RAB4A: variants seen among roughly 807,000 people sequenced by gnomAD.
RAB4A encodes ras-related protein Rab-4A.
In RAB4A, 20 loss-of-function variants were observed where a neutral mutation model predicts 34.5. The observed-to-expected ratio is 0.58, with a 90% CI of 0.41 to 0.84. The LOEUF (loss-of-function observed/expected upper bound fraction) is 0.84. RAB4A is among the 40% of genes least tolerant of loss of function. RAB4A has a pLI of 0.00. For synonymous variants in RAB4A, 102 were observed against 100.0 expected (o/e 1.02, Z -0.12); for missense variants, 228 against 274.5 (o/e 0.83, Z 1.20).
chr1:229,292,928 A>T (rs962431480), intron 3 of RAB4A, among the ~76,000 whole-genome samples: 36 of 152,060 alleles, frequency 2.4e-4, no homozygotes, highest in Non-Finnish European at 8.8e-5. Context: ...GGAGACCTAG[A>T]CTGCCACCCC....
At chr1:229,272,729 G>T (rs1377802925) in intron 1 of RAB4A, among the ~76,000 whole-genome samples, 1 of 152,154 alleles carries the variant, frequency 6.6e-6, no homozygotes, top group Non-Finnish European at 1.5e-5. Context: ...CTTGAGGAAG[G>T]CGTCAGTTTG....
chr1:229,299,111 T>G, intron 6 of RAB4A, 39 bp downstream of exon 6: 1 of 1,381,886 alleles, frequency 7.2e-7, no homozygotes, highest in Non-Finnish European at 1.0e-6. Flanking sequence ...CTTCTGCATA[T>G]TTTACACTGT....
In RAB4A at chr1:229,304,042, C is replaced by G. The variant is rs568209551; in HGVS notation, c.*249C>G. On this transcript the variant is annotated 3_prime_UTR_variant, in exon 8 of 8. Transcript: ENST00000366690. Reference sequence around the variant, plus strand: ...TGTTTCATATTTTTCCTTTCACTTTCGGTTTAAAACATGCTATATGTACTG... The same window carrying G: ...TGTTTCATATTTTTCCTTTCACTTTGGGTTTAAAACATGCTATATGTACTG... 6.6e-6 allele frequency: 1 copy of G among 152,112 alleles called. No homozygotes were observed. Among genetic ancestry groups the G allele is most frequent in the Admixed American group, 6.6e-5 (1 of 15,264 alleles). 9.4% of individuals were successfully genotyped at this position (152,112 alleles called of 1,614,324 possible).
At chr1:229,283,627 A>T (rs936161487) in intron 1 of RAB4A, among the ~76,000 whole-genome samples, 1 of 152,114 alleles carries the variant, frequency 6.6e-6, no homozygotes, top group African/African-American at 2.4e-5. Flanking sequence ...AGGCAAAAAG[A>T]ACCCAGGGAA....
At position 229,271,222 on chromosome 1, in the gene RAB4A, C is replaced by G; in HGVS notation, c.-118C>G. On this transcript the variant is annotated 5_prime_UTR_variant, in exon 1 of 8. Transcript: ENST00000366690. ...GGGAGACCGGCGGTTGCCGTGGGGA[C>G]CGGTCGGGCCCCTCCCTCCTCCGGT... 3.8e-6 allele frequency: 4 copies of G among 1,065,002 alleles called. No individual in the cohort carries two copies. The highest frequency in any genetic ancestry group is 4.8e-6 in the Non-Finnish European group (4 of 834,570). 66.0% of individuals were successfully genotyped at this position (1,065,002 alleles called of 1,614,324 possible).
intron 6 of RAB4A, among the ~76,000 whole-genome samples, chr1:229,302,296 TATATATATATATA>T (rs1416282776): frequency 0.022 from 641 of 29,466 alleles, 47 homozygotes; most frequent in African/African-American, 0.092. Flanking sequence ...TATATATATA[TATATATATATATA>T]TTTTTTTTTT....
chr1:229,297,003 T>C (rs1218960403), intron 4 of RAB4A, among the ~76,000 whole-genome samples: 1 of 152,222 alleles, frequency 6.6e-6, no homozygotes, highest in Non-Finnish European at 1.5e-5. Flanking sequence ...TTAATCTCTC[T>C]GGGCCTTGGA....
At chr1:229,301,066 G>C (rs1403173783) in intron 6 of RAB4A, among the ~76,000 whole-genome samples, 1 of 152,124 alleles carries the variant, frequency 6.6e-6, no homozygotes, top group Non-Finnish European at 1.5e-5. Context: ...CATTGGGATG[G>C]GGAATAGAAA....
At chr1:229,290,137 G>T (rs1416192239) in intron 3 of RAB4A, among the ~76,000 whole-genome samples, 1 of 152,186 alleles carries the variant, frequency 6.6e-6, no homozygotes, top group South Asian at 2.1e-4. Flanking sequence ...TCTTCCTCTG[G>T]AGTCCCAGAA....
At chr1:229,302,790 T>G (rs1391580427) in intron 6 of RAB4A, 72 bp from the exon 7 acceptor site, 1 of 1,134,772 alleles carries the variant, frequency 8.8e-7, no homozygotes, top group Admixed American at 2.2e-5. Context: ...TTGCTTTTTT[T>G]TTTTTTAATC....
intron 7 of RAB4A, among the ~76,000 whole-genome samples, chr1:229,303,508 A>G (rs984409457): frequency 6.6e-6 from 1 of 152,192 alleles, no homozygotes; most frequent in Non-Finnish European, 1.5e-5. Context: ...AGATATCCTG[A>G]TTCCTTATGT....
At chr1:229,289,680 G>A (rs937533024) in intron 3 of RAB4A, among the ~76,000 whole-genome samples, 5 of 152,166 alleles carry the variant, frequency 3.3e-5, no homozygotes, top group African/African-American at 9.7e-5. Flanking sequence ...GCCGGGCGTG[G>A]TGGCAGGTGC....
intron 6 of RAB4A, among the ~76,000 whole-genome samples, chr1:229,302,304 TA>T (rs1347563544): frequency 1.8e-3 from 59 of 32,672 alleles, no homozygotes; most frequent in African/African-American, 2.4e-3. Context: ...TATATATATA[TA>T]TATATTTTTT....
At chr1:229,283,646 C>T (rs1478751699) in intron 1 of RAB4A, among the ~76,000 whole-genome samples, 4 of 151,898 alleles carry the variant, frequency 2.6e-5, no homozygotes, top group African/African-American at 9.7e-5. Flanking sequence ...AACTTCCTTC[C>T]AAATCATTCC....
rs536147887 is a variant in RAB4A at position 229,296,182 on chromosome 1, T to C, written c.290+272T>C. Among the ~76,000 whole-genome samples the C allele has an allele frequency of 2.6e-5, 4 of 152,348 alleles. No homozygotes were observed. The East Asian group carries it at 7.7e-4, about 29-fold the overall frequency. Reference sequence around the variant, plus strand: ...TATTACATTACATTTCTTGACATGATGCTTGGACACTTTCCTTAAGGTTCA... The same window carrying C: ...TATTACATTACATTTCTTGACATGACGCTTGGACACTTTCCTTAAGGTTCA... On this transcript the variant is annotated intron_variant, in intron 4 of 7. Coordinates refer to ENST00000366690, the MANE Select transcript of RAB4A (RefSeq NM_004578.4).
intron 7 of RAB4A, among the ~76,000 whole-genome samples, 163 bp from the exon 8 acceptor site, chr1:229,303,643 C>T (rs1299397220): frequency 6.6e-6 from 1 of 152,118 alleles, no homozygotes; most frequent in Non-Finnish European, 1.5e-5. Context: ...TCTTTTTTCC[C>T]ATTTACCACA....
At chr1:229,288,478 G>C (rs1454899304) in intron 2 of RAB4A, among the ~76,000 whole-genome samples, 1 of 152,174 alleles carries the variant, frequency 6.6e-6, no homozygotes. Context: ...CTACTTTCAG[G>C]CATAGGTTTT....
intron 4 of RAB4A, among the ~76,000 whole-genome samples, 163 bp downstream of exon 4, chr1:229,296,073 A>C (rs1657244543): frequency 1.3e-5 from 2 of 152,186 alleles, no homozygotes; most frequent in Admixed American, 6.5e-5. Flanking sequence ...GGGGTCTCAG[A>C]GGTCTTTGAA....
At chr1:229,291,225 A>G (rs1012009253) in intron 3 of RAB4A, among the ~76,000 whole-genome samples, 1 of 152,228 alleles carries the variant, frequency 6.6e-6, no homozygotes, top group African/African-American at 2.4e-5. Context: ...GAATACCAAC[A>G]GATGTGCAAG....
Sources: allele counts gnomAD v4.1 joint callset (sites outside exome capture counted in the v4.1 genomes callset), GRCh38; gene constraint gnomAD v4.1.1; transcripts MANE v1.5; gene names NCBI Gene and HGNC (gene_info 2026-07-23, HGNC 2026-07-21).